CPNE1: variants seen among roughly 807,000 people sequenced by gnomAD.
CPNE1 encodes the protein copine 1.
In CPNE1, 58 loss-of-function variants were observed where a neutral mutation model predicts 63.2. The ratio of observed to expected loss-of-function variants is 0.92; its 90% confidence interval spans 0.74 to 1.14. The LOEUF (loss-of-function observed/expected upper bound fraction) is 1.14, where lower values mean the gene tolerates loss of function less well. Among genes scored for constraint, CPNE1 ranks in the 50% most tolerant of loss-of-function variants. CPNE1 has a pLI of 0.00. For synonymous variants in CPNE1, 237 were observed against 249.0 expected (o/e 0.95, Z 0.45); for missense variants, 672 against 661.7 (o/e 1.02, Z -0.17).
chr20:35,662,583 G>C (rs2034290066), intron 1 of CPNE1, among the ~76,000 whole-genome samples: 1 of 152,170 alleles, frequency 6.6e-6, no homozygotes, highest in Non-Finnish European at 1.5e-5. Flanking sequence ...AGCATCTTTT[G>C]TGCAACCAAC....
rs1489115516 is a variant in CPNE1, at chr20:35,627,482, C to T, written c.1103-69G>A. Reference sequence around the variant, plus strand: ...AGGACTACACCAGTCCTGAAATCACCCCATCCCAGCCCAGGAGATCTCGGA... The same window carrying T: ...AGGACTACACCAGTCCTGAAATCACTCCATCCCAGCCCAGGAGATCTCGGA... On this transcript the variant is annotated intron_variant, in intron 13 of 15. Transcript: ENST00000397443. 2.7e-6 allele frequency: 4 copies of T among 1,504,748 alleles called. No homozygotes were observed. In the East Asian group the frequency reaches 9.3e-5, roughly 35 times the overall value. The allele number at this position is 1,504,748 out of a possible 1,614,324, so 93.2% of individuals were successfully genotyped here.
chr20:35,634,275 A>G (rs2032354963), intron 1 of CPNE1, among the ~76,000 whole-genome samples: 1 of 150,924 alleles, frequency 6.6e-6, no homozygotes, highest in Admixed American at 6.6e-5. Context: ...AAAAAAAAAA[A>G]AAAGTGAGGT....
At chr20:35,654,055 C>T (rs1347499830) in intron 1 of CPNE1, 1 of 1,614,176 alleles carries the variant, frequency 6.2e-7, no homozygotes, top group Non-Finnish European at 8.5e-7. Flanking sequence ...ATGTGGTGAT[C>T]TTGACCTTGA....
At chr20:35,664,050 A>G (rs909852359) in intron 1 of CPNE1, among the ~76,000 whole-genome samples, 1 of 152,144 alleles carries the variant, frequency 6.6e-6, no homozygotes, top group Non-Finnish European at 1.5e-5. Context: ...CAATTCTCAG[A>G]GCCTCAGGAG....
At chr20:35,650,045 C>A (rs1489083469) in intron 1 of CPNE1, 1 of 152,536 alleles carries the variant, frequency 6.6e-6, no homozygotes. Flanking sequence ...AATACATTTT[C>A]AAGAATTTTT....
chr20:35,643,021 A>C (rs549193965), intron 1 of CPNE1: 1 of 152,282 alleles, frequency 6.6e-6, no homozygotes, highest in Non-Finnish European at 1.5e-5. Flanking sequence ...GGCTTATCCA[A>C]AAGTTGAACA....
intron 1 of CPNE1, among the ~76,000 whole-genome samples, chr20:35,659,498 T>G (rs2146372373): frequency 6.6e-6 from 1 of 152,348 alleles, no homozygotes; most frequent in South Asian, 2.1e-4. Context: ...TCTTTCAATA[T>G]ATTTTATTTT....
chr20:35,650,169 TAC>T (rs1194855986), intron 1 of CPNE1: 1 of 152,608 alleles, frequency 6.6e-6, no homozygotes, highest in Non-Finnish European at 1.5e-5. Context: ...AGCATTTAAT[TAC>T]AGTCCACAAC....
At position 35,626,581 on chromosome 20, in the gene CPNE1, G is replaced by T. The variant is rs185008214; in HGVS notation, c.1459C>A (p.Arg487Ser). Residue 487 changes from arginine (R) to serine (S), a missense_variant, in exon 15 of 16, where the codon CGC (arginine) becomes AGC (serine). Physicochemically the swap from Arg to Ser is moderately radical, Grantham distance 110. Coordinates refer to ENST00000397443, the MANE Select transcript of CPNE1 (RefSeq NM_152925.3). ...CACCTACTCACATTCTGGAACCGGC[G>T]GTAGGGTACAAACTGCACAATGTCG... ...ARDIVQFVPY[R>S]RFQNAPREAL... The T allele has an allele frequency of 3.7e-6, 6 of 1,614,036 alleles. No homozygotes were observed. Among genetic ancestry groups the T allele is most frequent in the South Asian group, 2.2e-5 (2 of 91,082 alleles).
intron 1 of CPNE1, among the ~76,000 whole-genome samples, chr20:35,646,832 T>C (rs2033132416): frequency 6.6e-6 from 1 of 152,114 alleles, no homozygotes. Flanking sequence ...GAAATAGTCA[T>C]CTCCTATCAT....
At chr20:35,649,497 T>G (rs985723934) in intron 1 of CPNE1, 1 of 152,750 alleles carries the variant, frequency 6.5e-6, no homozygotes, top group Non-Finnish European at 1.5e-5. Flanking sequence ...AGTTTCCTAA[T>G]CGAATTTTCA....
At chr20:35,649,654 CTAAA>C (rs1266327262) in intron 1 of CPNE1, 2 of 152,436 alleles carry the variant, frequency 1.3e-5, no homozygotes, top group African/African-American at 4.8e-5. Context: ...TGCTTGTGAA[CTAAA>C]TGTTTCACTA....
chr20:35,647,346 A>G (rs1357481112), intron 1 of CPNE1: 1 of 149,226 alleles, frequency 6.7e-6, no homozygotes, highest in Non-Finnish European at 1.5e-5. Context: ...AGAGCGCTTC[A>G]CAAATTGCGT....
At chr20:35,639,674 T>C (rs1245254550) in intron 1 of CPNE1, among the ~76,000 whole-genome samples, 1 of 152,198 alleles carries the variant, frequency 6.6e-6, no homozygotes, top group Non-Finnish European at 1.5e-5. Context: ...GTCCTCCCCC[T>C]GGTAAGAGGT....
In CPNE1 at chr20:35,631,778, C is replaced by G. The variant is rs2032161407; in HGVS notation, c.538-1G>C. 6.2e-7 allele frequency: 1 copy of G among 1,613,692 alleles called. No homozygotes were observed. The highest frequency in any genetic ancestry group is 1.3e-5 in the African/African-American group (1 of 74,982). On this transcript the variant is annotated splice_acceptor_variant, in intron 6 of 15. Transcript: ENST00000397443. LOFTEE classifies it high-confidence loss of function. ...TAGGGTTCAGGTTGTTCTTGATGAC[C>G]TGAAGGTGGAGGCCAAGGCCTCCAG...
intron 1 of CPNE1, among the ~76,000 whole-genome samples, chr20:35,660,608 GA>G (rs1457228579): frequency 2.0e-5 from 3 of 152,114 alleles, no homozygotes; most frequent in Non-Finnish European, 2.9e-5. Flanking sequence ...ATGTGAAACA[GA>G]AAAAAACCTG....
At chr20:35,658,165 A>G (rs1005984232) in intron 1 of CPNE1, among the ~76,000 whole-genome samples, 1 of 152,232 alleles carries the variant, frequency 6.6e-6, no homozygotes, top group Non-Finnish European at 1.5e-5. Context: ...ACTTGGGCCT[A>G]TCTTAGTTAC....
chr20:35,644,421 G>A (rs2032996915), intron 1 of CPNE1, among the ~76,000 whole-genome samples: 1 of 152,190 alleles, frequency 6.6e-6, no homozygotes, highest in African/African-American at 2.4e-5. Context: ...GCAGTACCCA[G>A]ATCAAAATTT....
chr20:35,631,636 C>G, intron 7 of CPNE1, 52 bp downstream of exon 7: 1 of 1,606,692 alleles, frequency 6.2e-7, no homozygotes, highest in East Asian at 2.2e-5. Flanking sequence ...GAATAAGTCC[C>G]TCCCCAGGTT....
Sources: allele counts gnomAD v4.1 joint callset (sites outside exome capture counted in the v4.1 genomes callset), GRCh38; gene constraint gnomAD v4.1.1; transcripts MANE v1.5; gene names NCBI Gene and HGNC (gene_info 2026-07-23, HGNC 2026-07-21).